The following DNAH10 variants were observed in gnomAD, a reference collection of about 807,000 sequenced individuals.
The protein encoded by DNAH10 is axonemal beta dynein heavy chain 10.
Under a neutral mutation model 506.6 loss-of-function variants are expected in DNAH10, and 348 were observed. That is an observed-to-expected ratio of 0.69 (90% CI 0.63 to 0.75). The LOEUF (loss-of-function observed/expected upper bound fraction) is 0.75, where lower values mean the gene tolerates loss of function less well. DNAH10 is among the 30% of genes least tolerant of loss of function. The pLI, the probability that DNAH10 is intolerant of heterozygous loss-of-function variation, is 0.00. For synonymous variants in DNAH10, 2,059 were observed against 2,198.6 expected (o/e 0.94, Z 1.78); for missense variants, 5,179 against 5,787.1 (o/e 0.89, Z 3.41).
Position 123,928,064 on chromosome 12 carries a change from C to T in DNAH10, c.12106-323C>T, listed in dbSNP as rs1368963715. On this transcript the variant is annotated intron_variant, in intron 69 of 78. Coordinates refer to ENST00000673944, the MANE Select transcript of DNAH10 (RefSeq NM_001372106.1). This position sits in a 1 kb window ranked among gnomAD's most constrained non-coding sequence, Gnocchi z 4.9. Reference sequence around the variant, plus strand: ...CTGGTGGGCTTTAGCTGGTCTCTTGCAGCCCTGCTCAGGAGTCCTCAGGGG... The same window carrying T: ...CTGGTGGGCTTTAGCTGGTCTCTTGTAGCCCTGCTCAGGAGTCCTCAGGGG... The T allele has an allele frequency of 3.5e-5, 15 of 434,004 alleles. No individual in the cohort carries two copies. Among genetic ancestry groups the T allele is most frequent in the Non-Finnish European group, 5.4e-5 (13 of 240,974 alleles). The allele number at this position is 434,004 out of a possible 1,614,324, so 26.9% of individuals were successfully genotyped here.
At chr12:123,924,232 G>C in intron 66 of DNAH10, 46 bp from the exon 67 acceptor site, 1 of 1,562,498 alleles carries the variant, frequency 6.4e-7, no homozygotes, top group South Asian at 1.2e-5. Flanking sequence ...TGCTTGCTTT[G>C]TGTTAGTGGT....
chr12:123,891,169 C>T (rs1952964996), intron 52 of DNAH10, among the ~76,000 whole-genome samples: 1 of 152,076 alleles, frequency 6.6e-6, no homozygotes, highest in African/African-American at 2.4e-5. Flanking sequence ...CTTGTAGGCA[C>T]AGAACTCCAG....
chr12:123,898,846 C>T (rs1405638937), intron 56 of DNAH10, 32 bp downstream of exon 56: 2 of 1,574,400 alleles, frequency 1.3e-6, no homozygotes, highest in Admixed American at 1.8e-5. Flanking sequence ...GCAGCCCATC[C>T]CCAACACCCA....
At chr12:123,895,640 G>T (rs1036584417) in intron 54 of DNAH10, among the ~76,000 whole-genome samples, 6 of 152,136 alleles carry the variant, frequency 3.9e-5, no homozygotes, top group African/African-American at 1.4e-4. Context: ...ACAGGGGGCG[G>T]GCTGGATTTG....
chr12:123,762,732 G>A lies in DNAH10; in HGVS notation c.214+182G>A, dbSNP rs1232479000. 6.6e-6 allele frequency among the ~76,000 whole-genome samples: 1 copy of A among 152,222 alleles called. No individual in the cohort carries two copies. Among genetic ancestry groups the A allele is most frequent in the African/African-American group, 2.4e-5 (1 of 41,460 alleles). ...GAACCCAGCAATCACAGCCGTCCCTGCCCTCCTGGGCCCACAGCCCACTTG... is the reference window on the plus strand; with the variant it reads ...GAACCCAGCAATCACAGCCGTCCCTACCCTCCTGGGCCCACAGCCCACTTG... On this transcript the variant is annotated intron_variant, in intron 1 of 78. Coordinates refer to ENST00000673944, the MANE Select transcript of DNAH10 (RefSeq NM_001372106.1). The surrounding 1 kb of genome is among the most constrained non-coding windows in gnomAD (Gnocchi z 5.0).
Position 123,813,537 on chromosome 12 carries a change from C to T in DNAH10, c.3518C>T (p.Ala1173Val), listed in dbSNP as rs779931594. ...HCIRLQLRHL[A>V]NTVQENAKSW... is the part of the protein sequence containing the mutation. The stretch of plus-strand genomic sequence containing the variant: ...ATCAGACTTCAGCTCAGGCATCTGG[C>T]AAACACAGTGCAGGAAAATGCCAAG... The change falls in exon 20 of 79, where the codon GCA (alanine) becomes GTA (valine). Residue 1173 changes from alanine to valine, a missense_variant. Around this residue, in one of 3 missense-constraint regions of DNAH10, gnomAD observed 4,844 missense variants for 5,430.5 expected, o/e 0.89. Coordinates refer to ENST00000673944, the MANE Select transcript of DNAH10 (RefSeq NM_001372106.1). 6.2e-7 allele frequency: 1 copy of T among 1,614,206 alleles called. No homozygotes were observed.
intron 30 of DNAH10, among the ~76,000 whole-genome samples, chr12:123,844,927 A>G (rs1359250912): frequency 6.6e-6 from 1 of 152,142 alleles, no homozygotes; most frequent in Non-Finnish European, 1.5e-5. Context: ...GGTGTGAGCC[A>G]CCGTGCCCAG....
At chr12:123,874,437 A>G (rs1318197590) in intron 46 of DNAH10, among the ~76,000 whole-genome samples, 1 of 152,038 alleles carries the variant, frequency 6.6e-6, no homozygotes, top group African/African-American at 2.4e-5. Flanking sequence ...CCATTCATTC[A>G]TAGATTTGTT....
At chr12:123,847,903 G>A (rs1242029099) in intron 32 of DNAH10, 58 bp from the exon 33 acceptor site, 5 of 1,544,426 alleles carry the variant, frequency 3.2e-6, no homozygotes, top group Admixed American at 3.9e-5. Flanking sequence ...ATTTGGAAAT[G>A]ACACCCACTT....
At chr12:123,764,156 G>A (rs1197497914) in intron 1 of DNAH10, among the ~76,000 whole-genome samples, 3 of 152,140 alleles carry the variant, frequency 2.0e-5, no homozygotes, top group Admixed American at 6.6e-5. Context: ...GTGAACCATC[G>A]CGCTTGGCCA....
chr12:123,874,533 A>T (rs567975817), intron 46 of DNAH10, among the ~76,000 whole-genome samples: 1 of 150,154 alleles, frequency 6.7e-6, no homozygotes, highest in South Asian at 2.1e-4. Context: ...CCATTTATCC[A>T]TCTACCCATC....
intron 70 of DNAH10, 130 bp from the exon 71 acceptor site, chr12:123,929,145 T>G (rs953537882): frequency 1.3e-5 from 12 of 912,888 alleles, no homozygotes; most frequent in Non-Finnish European, 2.0e-5. Flanking sequence ...ACAAGAGACT[T>G]TAGCTATTGG....
At position 123,820,606 on chromosome 12, in the gene DNAH10, A is replaced by G. The variant is rs1959289890; in HGVS notation, c.4027A>G (p.Arg1343Gly). 1 of 1,613,834 alleles carries G rather than the reference A, an allele frequency of 6.2e-7. No individual in the cohort carries two copies. The highest frequency in any genetic ancestry group is 1.7e-5 in the Admixed American group (1 of 60,002). ...KGVELLGVYERELARHEKSRQ... is the reference protein window; with the variant it reads ...KGVELLGVYEGELARHEKSRQ... ...AGTAGAGCTTTTAGGTGTTTATGAA[A>G]GAGAGCTGGCAAGACATGAAAAGAG... The change falls in exon 24 of 79, where the codon AGA becomes GGA. Residue 1343 changes from arginine (R) to glycine (G), a missense_variant. Physicochemically the swap from Arg to Gly is moderately radical, Grantham distance 125. This residue lies in a region of DNAH10 where 4,844 missense variants were observed against 5,430.5 expected (regional missense o/e 0.89). Coordinates refer to ENST00000673944, the MANE Select transcript of DNAH10 (RefSeq NM_001372106.1).
chr12:123,873,821 G>A, intron 46 of DNAH10, 111 bp downstream of exon 46: 1 of 1,379,074 alleles, frequency 7.3e-7, no homozygotes, highest in Non-Finnish European at 9.6e-7. Context: ...TTACCTCTGT[G>A]CAATGTCTGC....
At chr12:123,847,846 A>G (rs1951018288) in intron 32 of DNAH10, 115 bp from the exon 33 acceptor site, 7 of 1,394,956 alleles carry the variant, frequency 5.0e-6, no homozygotes, top group Non-Finnish European at 5.8e-6. Flanking sequence ...ACATGAAAGC[A>G]AACACCACAT....
At chr12:123,877,657 G>A (rs1487382228) in intron 47 of DNAH10, 79 bp from the exon 48 acceptor site, 33 of 1,495,874 alleles carry the variant, frequency 2.2e-5, no homozygotes, top group South Asian at 2.0e-4. Flanking sequence ...TCCATTGTAC[G>A]GCTCTGCCAC....
intron 26 of DNAH10, among the ~76,000 whole-genome samples, chr12:123,831,904 CAAAA>C (rs1160149296): frequency 1.3e-5 from 1 of 76,460 alleles, no homozygotes. Context: ...GACTCTGTCT[CAAAA>C]AAAAAAAAAA....
rs542507637 is a variant in DNAH10 at position 123,853,895 on chromosome 12, T to C, written c.6438+543T>C. 1.4e-5 allele frequency among the ~76,000 whole-genome samples: 2 copies of C among 147,876 alleles called. No homozygotes were observed. The highest frequency in any genetic ancestry group is 4.0e-4 in the East Asian group (2 of 5,012). On this transcript the variant is annotated intron_variant, in intron 36 of 78. Transcript: ENST00000673944. This position sits in a 1 kb window ranked among gnomAD's most constrained non-coding sequence, Gnocchi z 4.7. The stretch of plus-strand genomic sequence containing the variant: ...ACGGATACATGCACGCGCACACACG[T>C]ACGCACGCACATGTACACATACGCA...
intron 4 of DNAH10, 55 bp downstream of exon 4, chr12:123,772,997 G>A (rs1957315497): frequency 2.5e-6 from 3 of 1,217,036 alleles, no homozygotes; most frequent in Non-Finnish European, 3.5e-6. Context: ...GGTTGTGCAT[G>A]CACTTGTTCA....
Sources: gnomAD v4.1 joint callset for allele counts (sites outside exome capture counted in the v4.1 genomes callset) on GRCh38, gnomAD v4.1.1 for gene constraint, gnomAD v4.1.1 regional missense constraint, Gnocchi (gnomAD v3.1) non-coding constraint, MANE v1.5 for transcripts, NCBI Gene and HGNC (gene_info 2026-07-23, HGNC 2026-07-21) for gene names.